Variants in BRIP1 observed in about 807,000 individuals in gnomAD.
BRIP1 encodes BRCA1 interacting DNA helicase 1, also known as Fanconi anemia group J protein.
BRIP1 carries 88 observed loss-of-function variants against 119.7 expected under a neutral mutation model. That is an observed-to-expected ratio of 0.74 (90% CI 0.62 to 0.88). The LOEUF (loss-of-function observed/expected upper bound fraction) is 0.88. Ranked by LOEUF, BRIP1 falls within the 40% of genes least tolerant of loss-of-function variation. The pLI is 0.00. For missense variants in BRIP1, 1,259 were observed against 1,455.4 expected (o/e 0.87, Z 2.20); for synonymous variants, 443 against 496.5 (o/e 0.89, Z 1.43).
chr17:61,764,455 C>T (rs918346470), intron 14 of BRIP1, among the ~76,000 whole-genome samples: 1 of 152,128 alleles, frequency 6.6e-6, no homozygotes, highest in Admixed American at 6.6e-5. Flanking sequence ...TGTCCCATGA[C>T]CTCTGGGATA....
rs2078066261 is a variant in BRIP1 at position 61,805,847 on chromosome 17, G to A, written c.918+2620C>T. The stretch of plus-strand genomic sequence containing the variant: ...CTTTATACAAAATGATCACTAAAGT[G>A]CCTTTAGAATCTATGACTATGAGCT... On this transcript the variant is annotated intron_variant, in intron 7 of 19. Transcript: ENST00000259008. This position sits in a 1 kb window ranked among gnomAD's most constrained non-coding sequence, Gnocchi z 5.6. 1.3e-5 allele frequency among the ~76,000 whole-genome samples: 2 copies of A among 152,036 alleles called. No individual in the cohort carries two copies. Among genetic ancestry groups the A allele is most frequent in the South Asian group, 2.1e-4 (1 of 4,818 alleles).
At position 61,799,510 on chromosome 17, in the gene BRIP1, C is replaced by T. The variant is rs2077957858; in HGVS notation, c.1141-211G>A. On this transcript the variant is annotated intron_variant, in intron 8 of 19. Coordinates refer to ENST00000259008, the MANE Select transcript of BRIP1 (RefSeq NM_032043.3). The surrounding 1 kb of genome is among the most constrained non-coding windows in gnomAD (Gnocchi z 5.1). ...CATTATTGTGTTTGCCATTTTTTTA[C>T]TCTTAAAATACTTTGCAAACCTATC... Among the ~76,000 whole-genome samples the T allele has an allele frequency of 6.6e-6, 1 of 152,066 alleles. No individual in the cohort carries two copies. The highest frequency in any genetic ancestry group is 2.4e-5 in the African/African-American group (1 of 41,398).
At position 61,805,657 on chromosome 17, in the gene BRIP1, G is replaced by C. The variant is rs2078063564; in HGVS notation, c.918+2810C>G. ...CTTGTAAGATTCCTTCTGACTCACT[G>C]ACTATATCATCTCTAAAATTCCTTC... On this transcript the variant is annotated intron_variant, in intron 7 of 19. Coordinates refer to ENST00000259008, the MANE Select transcript of BRIP1 (RefSeq NM_032043.3). This position sits in a 1 kb window ranked among gnomAD's most constrained non-coding sequence, Gnocchi z 5.6. Among the ~76,000 whole-genome samples, 1 of 152,156 alleles carries C rather than the reference G, an allele frequency of 6.6e-6. No homozygotes were observed. Among genetic ancestry groups the C allele is most frequent in the Non-Finnish European group, 1.5e-5 (1 of 68,030 alleles).
At chr17:61,698,710 TTTTTTA>T (rs1223616505) in intron 17 of BRIP1, among the ~76,000 whole-genome samples, 7 of 151,938 alleles carry the variant, frequency 4.6e-5, no homozygotes, top group Non-Finnish European at 1.0e-4. Flanking sequence ...TTTTTTTTTA[TTTTTTA>T]TTTTTATTTT....
chr17:61,799,387 T>C lies in BRIP1; in HGVS notation c.1141-88A>G. ...AGATATTTCATTTTAAAATTCACAC[T>C]ATAGGCCAATATTGCAAATGCAATT... On this transcript the variant is annotated intron_variant, in intron 8 of 19. Transcript: ENST00000259008. This position sits in a 1 kb window ranked among gnomAD's most constrained non-coding sequence, Gnocchi z 5.1. 1 of 990,674 alleles carries C rather than the reference T, an allele frequency of 1.0e-6. No individual in the cohort carries two copies. The highest frequency in any genetic ancestry group is 2.6e-5 in the East Asian group (1 of 38,556). The allele number at this position is 990,674 out of a possible 1,614,324, so 61.4% of individuals were successfully genotyped here. A position where few individuals can be genotyped will look rare whatever the true frequency, so the allele number is the denominator to read the frequency against.
In BRIP1 at chr17:61,845,555, A is replaced by C. The variant is rs1305272052; in HGVS notation, c.627+1546T>G. ...CACAAAGCTGCCAAGCTCAGAGTATATACAAATTTTTTAAAATTCTGATTT... is the reference window on the plus strand; with the variant it reads ...CACAAAGCTGCCAAGCTCAGAGTATCTACAAATTTTTTAAAATTCTGATTT... On this transcript the variant is annotated intron_variant, in intron 6 of 19. Transcript: ENST00000259008. The surrounding 1 kb of genome is among the most constrained non-coding windows in gnomAD (Gnocchi z 4.2). 6.6e-6 allele frequency among the ~76,000 whole-genome samples: 1 copy of C among 152,246 alleles called. No individual in the cohort carries two copies.
chr17:61,837,770 T>C (rs749873392), intron 6 of BRIP1, among the ~76,000 whole-genome samples: 2 of 152,048 alleles, frequency 1.3e-5, no homozygotes, highest in Admixed American at 6.5e-5. Flanking sequence ...AACTTTGACA[T>C]ATGAATTGTC....
Position 61,801,365 on chromosome 17 carries a change from A to C in BRIP1, c.1028T>G (p.Leu343Arg), listed in dbSNP as rs1414803437. 6.2e-7 allele frequency: 1 copy of C among 1,614,010 alleles called. No homozygotes were observed. Among genetic ancestry groups the C allele is most frequent in the Non-Finnish European group, 8.5e-7 (1 of 1,179,920 alleles). Residue 343 changes from leucine to arginine, a missense_variant, in exon 8 of 20, where the codon CTG (leucine) becomes CGG (arginine). Leu to Arg is a moderately radical substitution (Grantham distance 102). Around this residue, in one of 3 missense-constraint regions of BRIP1, gnomAD observed 501 missense variants for 544.0 expected, o/e 0.92. Coordinates refer to ENST00000259008, the MANE Select transcript of BRIP1 (RefSeq NM_032043.3). Reference protein sequence around the residue: ...KAWDIEELVSLGKKLKACPYY... With the variant: ...KAWDIEELVSRGKKLKACPYY... ...TGGACAGGCCTTTAGTTTCTTCCCC[A>C]GGCTGACAAGTTCTTCTATATCCCA... is the stretch of plus-strand genomic sequence containing the variant.
rs138000363 is a variant in BRIP1 at position 61,802,132 on chromosome 17, C to T, written c.919-658G>A. ...TATTTCATTTCATATTTCTTCTATA[C>T]ATGTGTATATAAGGATATCTCTACA... On this transcript the variant is annotated intron_variant, in intron 7 of 19. Transcript: ENST00000259008. This position sits in a 1 kb window ranked among gnomAD's most constrained non-coding sequence, Gnocchi z 6.0. Among the ~76,000 whole-genome samples the T allele has an allele frequency of 5.4e-3, 825 of 152,196 alleles. 8 individuals are homozygous for T. The highest frequency in any genetic ancestry group is 0.018 in the African/African-American group (751 of 41,516).
rs1252843045 is a variant in BRIP1, at chr17:61,753,667, T to G, written c.2098-9076A>C. On this transcript the variant is annotated intron_variant, in intron 14 of 19. Transcript: ENST00000259008. The surrounding 1 kb of genome is among the most constrained non-coding windows in gnomAD (Gnocchi z 4.6). ...CTCAGGCTGAAGTGCAGTGGTGTGA[T>G]CACAGCTCATTGTAGCCTCACATTC... Among the ~76,000 whole-genome samples the G allele has an allele frequency of 6.6e-6, 1 of 151,586 alleles. No homozygotes were observed. Among genetic ancestry groups the G allele is most frequent in the Non-Finnish European group, 1.5e-5 (1 of 67,892 alleles).
intron 14 of BRIP1, among the ~76,000 whole-genome samples, chr17:61,749,466 A>T (rs1024307603): frequency 1.3e-5 from 2 of 152,140 alleles, no homozygotes; most frequent in African/African-American, 4.8e-5. Context: ...TCCAAAGAAG[A>T]CATACAAATG....
In BRIP1 at chr17:61,825,202, G is replaced by A. The variant is rs139510226; in HGVS notation, c.628-16445C>T. 3.5e-3 allele frequency among the ~76,000 whole-genome samples: 526 copies of A among 151,924 alleles called. 2 individuals carry two copies. Among genetic ancestry groups the A allele is most frequent in the African/African-American group, 0.011 (469 of 41,448 alleles). On this transcript the variant is annotated intron_variant, in intron 6 of 19. Transcript: ENST00000259008. The surrounding 1 kb of genome is among the most constrained non-coding windows in gnomAD (Gnocchi z 4.1). ...AGGGAGGCTGAGGCAGGAGAATGGC[G>A]TGAACCTGGGAGGCGGAGCTTGCAG...
rs1603349743 is a variant in BRIP1 at position 61,814,573 on chromosome 17, C to T, written c.628-5816G>A. On this transcript the variant is annotated intron_variant, in intron 6 of 19. Coordinates refer to ENST00000259008, the MANE Select transcript of BRIP1 (RefSeq NM_032043.3). This position sits in a 1 kb window ranked among gnomAD's most constrained non-coding sequence, Gnocchi z 4.9. ...ATAATTAGATTCCATTTCCTATCCA[C>T]CAGATTGGGTACTGGAGAGGATATG... Among the ~76,000 whole-genome samples, 1 of 152,156 alleles carries T rather than the reference C, an allele frequency of 6.6e-6. No individual in the cohort carries two copies. Among genetic ancestry groups the T allele is most frequent in the Non-Finnish European group, 1.5e-5 (1 of 67,922 alleles).
At chr17:61,812,966 C>T (rs191248699) in intron 6 of BRIP1, among the ~76,000 whole-genome samples, 21 of 152,150 alleles carry the variant, frequency 1.4e-4, no homozygotes, top group Admixed American at 2.0e-4. Context: ...CCAAACTTTC[C>T]CTACCACTCA....
At chr17:61,698,047 C>T (rs1222804181) in intron 17 of BRIP1, among the ~76,000 whole-genome samples, 1 of 152,276 alleles carries the variant, frequency 6.6e-6, no homozygotes, top group Non-Finnish European at 1.5e-5. Context: ...CTCAGGTAAT[C>T]TGCCCGTGTT....
chr17:61,832,661 A>G lies in BRIP1; in HGVS notation c.627+14440T>C, dbSNP rs1311519547. Among the ~76,000 whole-genome samples, 1 of 152,046 alleles carries G rather than the reference A, an allele frequency of 6.6e-6. No individual in the cohort carries two copies. Among genetic ancestry groups the G allele is most frequent in the Non-Finnish European group, 1.5e-5 (1 of 68,034 alleles). On this transcript the variant is annotated intron_variant, in intron 6 of 19. Transcript: ENST00000259008. This position sits in a 1 kb window ranked among gnomAD's most constrained non-coding sequence, Gnocchi z 5.5. ...TGAAGTGTCAAAATCATGACAGTCA[A>G]GGAAAGACTGAAGAAGTGTTCCAGA...
chr17:61,721,384 C>T (rs1185573013), intron 16 of BRIP1, among the ~76,000 whole-genome samples: 2 of 151,020 alleles, frequency 1.3e-5, no homozygotes, highest in Admixed American at 6.6e-5. Flanking sequence ...ATTCTCCTGC[C>T]TCAGCCTCCC....
At chr17:61,821,164 G>A (rs1301265450) in intron 6 of BRIP1, among the ~76,000 whole-genome samples, 1 of 152,128 alleles carries the variant, frequency 6.6e-6, no homozygotes, top group Non-Finnish European at 1.5e-5. Context: ...AAGCTGAAGG[G>A]AAGCTACAGT....
Position 61,735,036 on chromosome 17 carries a change from T to C in BRIP1, c.2379+7977A>G, listed in dbSNP as rs143918000. Reference sequence around the variant, plus strand: ...AGACTATTAATGTAAAAGAAAACTATAAAGTTCTAATTTAAGGTCCTATAA... The same window carrying C: ...AGACTATTAATGTAAAAGAAAACTACAAAGTTCTAATTTAAGGTCCTATAA... On this transcript the variant is annotated intron_variant, in intron 16 of 19. Coordinates refer to ENST00000259008, the MANE Select transcript of BRIP1 (RefSeq NM_032043.3). This position sits in a 1 kb window ranked among gnomAD's most constrained non-coding sequence, Gnocchi z 4.4. Among the ~76,000 whole-genome samples the C allele has an allele frequency of 4.6e-5, 7 of 152,222 alleles. No individual in the cohort carries two copies. Among genetic ancestry groups the C allele is most frequent in the African/African-American group, 1.7e-4 (7 of 41,468 alleles).
Sources: gnomAD v4.1 joint callset for allele counts (sites outside exome capture counted in the v4.1 genomes callset) on GRCh38, gnomAD v4.1.1 for gene constraint, gnomAD v4.1.1 regional missense constraint, Gnocchi (gnomAD v3.1) non-coding constraint, MANE v1.5 for transcripts, NCBI Gene and HGNC (gene_info 2026-07-23, HGNC 2026-07-21) for gene names.